Variants in MTERF4 observed in about 807,000 individuals in gnomAD.
The protein encoded by MTERF4 is mitochondrial transcription termination factor 4.
MTERF4 carries 17 observed loss-of-function variants against 22.5 expected under a neutral mutation model. The observed-to-expected ratio is 0.75, with a 90% CI of 0.52 to 1.13. MTERF4 has a LOEUF of 1.13. Ranked by LOEUF, MTERF4 falls within the 50% of genes most tolerant of loss-of-function variation. The pLI, the probability that MTERF4 is intolerant of heterozygous loss-of-function variation, is 0.00. For synonymous variants in MTERF4, 165 were observed against 175.3 expected, an observed-to-expected ratio of 0.94 and a Z score of 0.47; for missense variants, 420 against 466.8, an observed-to-expected ratio of 0.90 and a Z score of 0.92.
chr2:241,093,385 T>G (rs1036971713), downstream of MTERF4: 4 of 152,658 alleles, frequency 2.6e-5, no homozygotes, highest in Non-Finnish European at 5.9e-5. Flanking sequence ...CTAGGAAACT[T>G]TCTACTCCCT....
chr2:241,066,572 G>T, the MTERF4 span, among the ~76,000 whole-genome samples: 2 of 151,810 alleles, frequency 1.3e-5, no homozygotes, highest in African/African-American at 2.4e-5. Flanking sequence ...GGTGCTAGAG[G>T]CTCGAGGAAA....
Position 241,099,563 on chromosome 2 carries a change from C to G in MTERF4, c.353G>C (p.Gly118Ala). The G allele has an allele frequency of 6.2e-7, 1 of 1,614,182 alleles. No homozygotes were observed. Among genetic ancestry groups the G allele is most frequent in the South Asian group, 1.1e-5 (1 of 91,082 alleles). Residue 118 changes from glycine (G) to alanine (A), a missense_variant, in exon 2 of 4, where the codon GGT (glycine) becomes GCT (alanine). Coordinates refer to ENST00000391980, the MANE Select transcript of MTERF4 (RefSeq NM_182501.4). The stretch of plus-strand genomic sequence containing the variant: ...GTCCAGCAACTGTTGAAGACTGGCA[C>G]CTCGCCGTACACTGAGCAATTCATT... ...HINELLSVRR[G>A]ASLQQLLDII...
downstream of MTERF4, chr2:241,090,131 G>C: frequency 6.8e-7 from 1 of 1,480,322 alleles, no homozygotes; most frequent in Non-Finnish European, 9.0e-7. Context: ...TTTAATAACA[G>C]CTTAAAATAC....
chr2:241,050,356 C>T, the MTERF4 span, among the ~76,000 whole-genome samples: 1 of 152,186 alleles, frequency 6.6e-6, no homozygotes, highest in African/African-American at 2.4e-5. Flanking sequence ...TAGCTATCCC[C>T]GCCAGGCCCC....
rs1178290720 is a variant in MTERF4 at position 241,096,371 on chromosome 2, A to T, written c.773T>A (p.Leu258Gln). The T allele has an allele frequency of 2.5e-6, 4 of 1,614,178 alleles. No homozygotes were observed. The highest frequency in any genetic ancestry group is 3.4e-6 in the Non-Finnish European group (4 of 1,180,048). Residue 258 changes from leucine to glutamine, a missense_variant, in exon 4 of 4, where the codon CTA becomes CAA. Transcript: ENST00000391980. This position sits in a 1 kb window ranked among gnomAD's most constrained non-coding sequence, Gnocchi z 5.1. Reference sequence around the variant, plus strand: ...AATGTGTCTCTGCTTAATCTTGGTTAGTGAATACTGCAAGTACTCACTCTT... The same window carrying T: ...AATGTGTCTCTGCTTAATCTTGGTTTGTGAATACTGCAAGTACTCACTCTT... ...IVKSEYLQYS[L>Q]TKIKQRHIYL... is the part of the protein sequence containing the mutation.
downstream of MTERF4, chr2:241,070,190 A>G: frequency 6.2e-7 from 1 of 1,605,920 alleles, no homozygotes; most frequent in African/African-American, 1.3e-5. Flanking sequence ...GCCCACCTCT[A>G]CATCATCACC....
downstream of MTERF4, chr2:241,088,230 C>T (rs1434733189): frequency 1.4e-6 from 1 of 710,644 alleles, no homozygotes; most frequent in African/African-American, 1.8e-5. Context: ...GGTGTCTGGA[C>T]TAATGGTGTC....
At chr2:241,092,421 T>C (rs961354732), downstream of MTERF4, 1 of 152,178 alleles carries the variant, frequency 6.6e-6, no homozygotes, top group Non-Finnish European at 1.5e-5. The surrounding 1 kb of genome is among the most constrained non-coding windows in gnomAD (Gnocchi z 4.6). Flanking sequence ...TAAAAACTTA[T>C]TTACAATAAC....
the MTERF4 span, among the ~76,000 whole-genome samples, chr2:241,055,196 A>G: frequency 2.0e-5 from 3 of 152,178 alleles, no homozygotes; most frequent in Admixed American, 6.5e-5. Context: ...CCCAAGAAGA[A>G]GAGAAAATGA....
chr2:241,099,666 G>A lies in MTERF4; in HGVS notation c.250C>T (p.Pro84Ser), dbSNP rs1575196702. 1.2e-6 allele frequency: 2 copies of A among 1,614,164 alleles called. No individual in the cohort carries two copies. Among genetic ancestry groups the A allele is most frequent in the Non-Finnish European group, 1.7e-6 (2 of 1,180,030 alleles). The stretch of plus-strand genomic sequence containing the variant: ...AGCTCCAAGGACCCTTGTACCACAG[G>A]AGTCCCCTGCTTCTCAAGGAGGCAC... ...VQCLLEKQGT[P>S]VVQGSLELER... The change falls in exon 2 of 4, where the codon CCT (proline) becomes TCT (serine). Residue 84 changes from proline (P) to serine (S), a missense_variant. Physicochemically the swap from Pro to Ser is moderately conservative, Grantham distance 74. Transcript: ENST00000391980.
the MTERF4 span, among the ~76,000 whole-genome samples, chr2:241,061,855 A>C: frequency 0.016 from 2,297 of 140,602 alleles, 18 homozygotes; most frequent in Middle Eastern, 0.03. Context: ...CCATCCCCCC[A>C]AAAAAAAAAA....
chr2:241,066,691 G>A, the MTERF4 span, among the ~76,000 whole-genome samples: 11 of 152,192 alleles, frequency 7.2e-5, no homozygotes, highest in Admixed American at 6.5e-5. Context: ...AGGGCCCTGC[G>A]GGGCGGCCAC....
chr2:241,078,217 T>C (rs2063131026), intron 4 of MTERF4, among the ~76,000 whole-genome samples: 1 of 151,526 alleles, frequency 6.6e-6, no homozygotes, highest in Non-Finnish European at 1.5e-5. Flanking sequence ...ACCCCGTCTC[T>C]ACTAAAAATA....
chr2:241,051,728 C>G, the MTERF4 span: 1 of 1,466,700 alleles, frequency 6.8e-7, no homozygotes, highest in Non-Finnish European at 9.0e-7. The surrounding 1 kb of genome is among the most constrained non-coding windows in gnomAD (Gnocchi z 4.7). Flanking sequence ...ATCTGCCTCT[C>G]TGTCCTTCCA....
intron 4 of MTERF4, chr2:241,081,886 C>A: frequency 2.1e-6 from 2 of 958,552 alleles, no homozygotes; most frequent in Non-Finnish European, 3.2e-6. Context: ...GCCACGGGAG[C>A]CTCCAAACGA....
the MTERF4 span, chr2:241,052,537 C>T: frequency 9.1e-7 from 1 of 1,097,904 alleles, no homozygotes; most frequent in South Asian, 1.4e-5. Flanking sequence ...ATGGCCAGGG[C>T]CCAAGCAGGG....
chr2:241,095,414 A>T (rs1021508524), downstream of MTERF4: 2 of 152,856 alleles, frequency 1.3e-5, no homozygotes, highest in Non-Finnish European at 2.9e-5. Flanking sequence ...AGCCATGCAA[A>T]ATTAACCAGT....
chr2:241,091,430 C>A (rs1300805782), downstream of MTERF4, among the ~76,000 whole-genome samples: 2 of 152,206 alleles, frequency 1.3e-5, no homozygotes, highest in Admixed American at 1.3e-4. The surrounding 1 kb of genome is among the most constrained non-coding windows in gnomAD (Gnocchi z 4.1). Context: ...GTGTGCACTG[C>A]CATATGGTAG....
In MTERF4 at chr2:241,095,830, G is replaced by T; in HGVS notation, c.*168C>A. 2 of 1,279,818 alleles carry T rather than the reference G, an allele frequency of 1.6e-6. No individual in the cohort carries two copies. The highest frequency in any genetic ancestry group is 2.1e-6 in the Non-Finnish European group (2 of 933,500). 79.3% of individuals were successfully genotyped at this position (1,279,818 alleles called of 1,614,324 possible). The stretch of plus-strand genomic sequence containing the variant: ...ACATGCATTTCCTGTTTCCTGTTTG[G>T]TTTGATCTGTCTGCCTCTCAGGTGA... On this transcript the variant is annotated 3_prime_UTR_variant, in exon 4 of 4. Transcript: ENST00000391980.
Sources: allele counts gnomAD v4.1 joint callset (sites outside exome capture counted in the v4.1 genomes callset), GRCh38; gene constraint gnomAD v4.1.1; non-coding constraint Gnocchi (gnomAD v3.1); transcripts MANE v1.5; gene names NCBI Gene and HGNC (gene_info 2026-07-23, HGNC 2026-07-21).